Variants in RGS6 observed in about 807,000 individuals in gnomAD.
RGS6 encodes the protein regulator of G protein signaling 6, also known as regulator of G-protein signaling 6.
A neutral mutation model predicts 78.5 loss-of-function variants in RGS6; 30 were observed. The ratio of observed to expected loss-of-function variants is 0.38; its 90% CI spans 0.29 to 0.52. RGS6 has a LOEUF of 0.52. RGS6 is among the 20% of genes least tolerant of loss of function. The pLI is 0.85. For synonymous variants in RGS6, 206 were observed against 206.0 expected (o/e 1.00, Z 0.00); for missense variants, 495 against 609.7 (o/e 0.81, Z 1.98).
intron 1 of RGS6, among the ~76,000 whole-genome samples, chr14:71,937,183 C>T (rs1384947950): frequency 6.6e-6 from 1 of 152,278 alleles, no homozygotes; most frequent in East Asian, 1.9e-4. Flanking sequence ...TCTTCTTAGC[C>T]TGTTGACTGA....
chr14:72,235,672 G>A (rs761358087), intron 2 of RGS6, among the ~76,000 whole-genome samples: 1 of 152,098 alleles, frequency 6.6e-6, no homozygotes, highest in African/African-American at 2.4e-5. Flanking sequence ...CCTTTGTAAC[G>A]CCAAACCTAG....
intron 2 of RGS6, among the ~76,000 whole-genome samples, chr14:71,966,260 C>CA (rs1391258734): frequency 6.6e-5 from 10 of 152,106 alleles, no homozygotes; most frequent in African/African-American, 2.4e-4. Flanking sequence ...CCTGGATGAT[C>CA]AATATGGTGA....
At chr14:72,597,731 C>T in the RGS6 span, among the ~76,000 whole-genome samples, 295 of 152,270 alleles carry the variant, frequency 1.9e-3, 1 homozygote, top group African/African-American at 6.6e-3. Context: ...TGGGCCCTGA[C>T]GGACATTGGA....
At chr14:72,514,944 G>T (rs1429175664) in intron 14 of RGS6, among the ~76,000 whole-genome samples, 1 of 152,214 alleles carries the variant, frequency 6.6e-6, no homozygotes, top group Non-Finnish European at 1.5e-5. Flanking sequence ...TGTGGCCTGG[G>T]CTCTGAGTTC....
At chr14:72,189,468 C>G (rs2097294716) in intron 2 of RGS6, among the ~76,000 whole-genome samples, 1 of 152,048 alleles carries the variant, frequency 6.6e-6, no homozygotes, top group Admixed American at 6.6e-5. Context: ...AGGAAGAAAA[C>G]AGTGGGAAAT....
chr14:72,298,146 G>C (rs1334829148), intron 2 of RGS6, among the ~76,000 whole-genome samples: 1 of 151,966 alleles, frequency 6.6e-6, no homozygotes, highest in African/African-American at 2.4e-5. Flanking sequence ...ATTATAGTGA[G>C]GGAAGTTTTT....
rs1201193119 is a variant in RGS6 at position 71,986,916 on chromosome 14, CCTT to C, written c.84+22044_84+22046del. ...CACCTCTACTCTTGGCATCATATCT[CCTT>C]CTCCAACTCTGACCTTCCTTTCTCT... On this transcript the variant is annotated intron_variant, in intron 2 of 17. Coordinates refer to ENST00000553525, the MANE Select transcript of RGS6 (RefSeq NM_001204424.2). 2.0e-5 allele frequency among the ~76,000 whole-genome samples: 3 copies of C among 152,136 alleles called. No homozygotes were observed. In the East Asian group the frequency reaches 5.8e-4, roughly 29 times the overall value.
chr14:72,057,430 G>T (rs896544074), intron 2 of RGS6, among the ~76,000 whole-genome samples: 2 of 151,812 alleles, frequency 1.3e-5, no homozygotes, highest in Non-Finnish European at 2.9e-5. Flanking sequence ...TACAAGAAGG[G>T]TGTCATGGGA....
At chr14:72,482,220 A>G (rs2096395995) in intron 12 of RGS6, among the ~76,000 whole-genome samples, 1 of 152,224 alleles carries the variant, frequency 6.6e-6, no homozygotes, top group African/African-American at 2.4e-5. Flanking sequence ...CTCAAGAGTC[A>G]GTAGTCTTCT....
intron 2 of RGS6, among the ~76,000 whole-genome samples, chr14:72,251,999 T>C (rs2055911527): frequency 6.6e-6 from 1 of 152,230 alleles, no homozygotes; most frequent in Non-Finnish European, 1.5e-5. Flanking sequence ...TCCTCATTTA[T>C]TCCCTAGATG....
At chr14:72,014,487 A>G (rs1381929862) in intron 2 of RGS6, among the ~76,000 whole-genome samples, 1 of 152,202 alleles carries the variant, frequency 6.6e-6, no homozygotes, top group Non-Finnish European at 1.5e-5. Context: ...GGAAAGAGTG[A>G]AGAGTCACTG....
At chr14:72,055,840 T>C (rs962104436) in intron 2 of RGS6, among the ~76,000 whole-genome samples, 11 of 152,246 alleles carry the variant, frequency 7.2e-5, no homozygotes, top group African/African-American at 2.7e-4. Flanking sequence ...GCCTCTAATT[T>C]CTAGCTCAGC....
At chr14:72,325,003 G>A (rs968229566) in intron 2 of RGS6, among the ~76,000 whole-genome samples, 8 of 152,086 alleles carry the variant, frequency 5.3e-5, no homozygotes, top group African/African-American at 1.7e-4. Flanking sequence ...TTCTCCACAT[G>A]CTCTCCAGCA....
the RGS6 span, among the ~76,000 whole-genome samples, chr14:72,605,670 G>T: frequency 5.9e-5 from 9 of 152,200 alleles, no homozygotes. Flanking sequence ...GGAATGGACA[G>T]AGTGGACCCT....
chr14:72,333,803 G>C (rs2075503327), intron 2 of RGS6, among the ~76,000 whole-genome samples: 1 of 152,042 alleles, frequency 6.6e-6, no homozygotes, highest in East Asian at 1.9e-4. Flanking sequence ...CTCCCTGCCA[G>C]AGGAGCTAGC....
intron 1 of RGS6, among the ~76,000 whole-genome samples, chr14:71,937,394 G>A (rs1032658586): frequency 2.6e-5 from 4 of 152,062 alleles, no homozygotes; most frequent in South Asian, 4.1e-4. Context: ...TTCCACTTCC[G>A]CCCCTTGATT....
the RGS6 span, among the ~76,000 whole-genome samples, chr14:72,621,955 C>G: frequency 2.8e-4 from 42 of 152,230 alleles, no homozygotes; most frequent in East Asian, 8.1e-3. Context: ...TAGGGATGAC[C>G]TGGAGGCTGT....
At chr14:72,577,198 T>G in the RGS6 span, among the ~76,000 whole-genome samples, 1 of 152,230 alleles carries the variant, frequency 6.6e-6, no homozygotes, top group Non-Finnish European at 1.5e-5. Context: ...TGATACAATG[T>G]TACCAATCAT....
chr14:72,424,800 G>C (rs1032941383), intron 3 of RGS6, among the ~76,000 whole-genome samples: 2 of 152,124 alleles, frequency 1.3e-5, no homozygotes, highest in East Asian at 3.9e-4. Flanking sequence ...TGAGTTCTGG[G>C]GGGGCAATGC....
Sources: gnomAD v4.1 joint callset for allele counts (sites outside exome capture counted in the v4.1 genomes callset) on GRCh38, gnomAD v4.1.1 for gene constraint, MANE v1.5 for transcripts, NCBI Gene and HGNC (gene_info 2026-07-23, HGNC 2026-07-21) for gene names.